ANO2: variants seen among roughly 807,000 people sequenced by gnomAD.
The protein encoded by ANO2 is anoctamin 2.
In ANO2, 101 loss-of-function variants were observed where a neutral mutation model predicts 124.2. The ratio of observed to expected loss-of-function variants is 0.81; its 90% CI spans 0.69 to 0.96. ANO2 has a LOEUF of 0.96. Among genes scored for constraint, ANO2 ranks in the 40% least tolerant of loss-of-function variants. The pLI is 0.00. For synonymous variants in ANO2, 486 were observed against 482.5 expected, an observed-to-expected ratio of 1.01 and a Z score of -0.09; for missense variants, 1,293 against 1,274.5, an observed-to-expected ratio of 1.01 and a Z score of -0.22.
intron 20 of ANO2, among the ~76,000 whole-genome samples, chr12:5,590,224 C>T (rs1040774852): frequency 4.0e-5 from 6 of 151,424 alleles, no homozygotes; most frequent in Admixed American, 2.6e-4. Context: ...TTTTTTTTTG[C>T]TCATCAGCTA....
intron 3 of ANO2, among the ~76,000 whole-genome samples, chr12:5,910,884 C>T (rs1009689937): frequency 6.6e-6 from 1 of 152,172 alleles, no homozygotes; most frequent in Non-Finnish European, 1.5e-5. Flanking sequence ...CGTACACCAC[C>T]CACTTCAGCT....
chr12:5,790,212 A>G (rs1438347414), intron 10 of ANO2, among the ~76,000 whole-genome samples: 2 of 152,166 alleles, frequency 1.3e-5, no homozygotes, highest in Non-Finnish European at 2.9e-5. Context: ...TGACCTTCCC[A>G]GAGACTCCCC....
At chr12:5,574,204 T>A (rs1942280485) in intron 23 of ANO2, among the ~76,000 whole-genome samples, 1 of 152,248 alleles carries the variant, frequency 6.6e-6, no homozygotes, top group Admixed American at 6.5e-5. Flanking sequence ...ATTGGGACTA[T>A]CTTTTAACCA....
intron 4 of ANO2, among the ~76,000 whole-genome samples, chr12:5,833,073 T>G (rs948834941): frequency 1.3e-5 from 2 of 152,200 alleles, no homozygotes; most frequent in African/African-American, 4.8e-5. Flanking sequence ...TTAACTCATG[T>G]CAACCTAATC....
chr12:5,588,828 ACTCATTCTCTGGT>A, intron 20 of ANO2, among the ~76,000 whole-genome samples: 1 of 152,070 alleles, frequency 6.6e-6, no homozygotes, highest in East Asian at 1.9e-4. Flanking sequence ...GCAGGGAAAA[ACTCATTCTCTGGT>A]CTAATTCCCT....
intron 16 of ANO2, among the ~76,000 whole-genome samples, chr12:5,628,641 C>G (rs1945532058): frequency 6.6e-6 from 1 of 151,716 alleles, no homozygotes; most frequent in Admixed American, 6.6e-5. Flanking sequence ...GTGCTTAGAA[C>G]AGTGTTTGGT....
intron 11 of ANO2, among the ~76,000 whole-genome samples, chr12:5,746,275 G>A (rs1200882992): frequency 6.6e-6 from 1 of 152,192 alleles, no homozygotes; most frequent in Admixed American, 6.5e-5. Context: ...TTAAATTAGA[G>A]TGCAGGCAAC....
intron 3 of ANO2, among the ~76,000 whole-genome samples, chr12:5,866,388 C>G (rs1955428726): frequency 6.6e-6 from 1 of 152,178 alleles, no homozygotes; most frequent in Admixed American, 6.5e-5. Context: ...TCAAGCCTCA[C>G]CAGATCTGCT....
chr12:5,731,811 T>C (rs376552954), intron 14 of ANO2, among the ~76,000 whole-genome samples: 2 of 152,312 alleles, frequency 1.3e-5, no homozygotes, highest in African/African-American at 4.8e-5. Context: ...TTTCCACGTT[T>C]GGAGGTCCAC....
intron 3 of ANO2, among the ~76,000 whole-genome samples, chr12:5,894,432 T>C (rs908340640): frequency 3.9e-5 from 6 of 152,222 alleles, no homozygotes; most frequent in Non-Finnish European, 8.8e-5. Context: ...TCTCCCATTC[T>C]GTAGGTTGCC....
intron 16 of ANO2, among the ~76,000 whole-genome samples, chr12:5,624,531 T>A (rs780757675): frequency 6.6e-5 from 10 of 152,234 alleles, no homozygotes; most frequent in South Asian, 2.1e-4. Flanking sequence ...GGAGGAGGCA[T>A]ACGGTCAGTC....
chr12:5,698,195 C>T (rs1949266740), intron 14 of ANO2, among the ~76,000 whole-genome samples: 1 of 152,202 alleles, frequency 6.6e-6, no homozygotes, highest in African/African-American at 2.4e-5. Context: ...GAGGCACCTC[C>T]CAGTAGGGGC....
intron 7 of ANO2, among the ~76,000 whole-genome samples, chr12:5,811,411 G>A (rs1951929434): frequency 6.6e-6 from 1 of 152,226 alleles, no homozygotes; most frequent in Admixed American, 6.5e-5. Flanking sequence ...TCAGCTGGAT[G>A]AATGATAAAC....
intron 14 of ANO2, among the ~76,000 whole-genome samples, chr12:5,662,871 G>A (rs1947518663): frequency 6.6e-6 from 1 of 152,198 alleles, no homozygotes; most frequent in African/African-American, 2.4e-5. Flanking sequence ...AAGTTGGGTA[G>A]GACATGGGGA....
intron 11 of ANO2, among the ~76,000 whole-genome samples, chr12:5,749,421 G>GT (rs1395574581): frequency 6.6e-6 from 1 of 152,202 alleles, no homozygotes; most frequent in Non-Finnish European, 1.5e-5. Context: ...GCTCTAAGGT[G>GT]TAACACCCAT....
At chr12:5,669,584 C>T (rs28712084) in intron 14 of ANO2, among the ~76,000 whole-genome samples, 168 of 152,214 alleles carry the variant, frequency 1.1e-3, no homozygotes, top group Middle Eastern at 3.4e-3. Flanking sequence ...TGAATAGGAG[C>T]GGTGAAAGAG....
intron 13 of ANO2, among the ~76,000 whole-genome samples, chr12:5,736,832 A>C: frequency 6.6e-6 from 1 of 152,090 alleles, no homozygotes; most frequent in African/African-American, 2.4e-5. Context: ...TCCCAGGTCA[A>C]GGCTGCTGCT....
intron 7 of ANO2, among the ~76,000 whole-genome samples, chr12:5,814,464 G>C (rs1375487075): frequency 1.3e-5 from 2 of 152,188 alleles, no homozygotes; most frequent in Non-Finnish European, 2.9e-5. Context: ...ATTACATCAG[G>C]AAGACCTTCT....
intron 16 of ANO2, among the ~76,000 whole-genome samples, chr12:5,628,307 C>G (rs1197966403): frequency 6.6e-6 from 1 of 152,194 alleles, no homozygotes; most frequent in Non-Finnish European, 1.5e-5. Flanking sequence ...TGTCCCCATC[C>G]CCAGAAATAC....
Sources: allele counts gnomAD v4.1 joint callset (sites outside exome capture counted in the v4.1 genomes callset), GRCh38; gene constraint gnomAD v4.1.1; transcripts MANE v1.5; gene names NCBI Gene and HGNC (gene_info 2026-07-23, HGNC 2026-07-21).